CNBD1: variants seen among roughly 807,000 people sequenced by gnomAD.
The protein encoded by CNBD1 is cyclic nucleotide-binding domain-containing protein 1.
CNBD1 carries 71 observed loss-of-function variants against 54.4 expected under a neutral mutation model. The observed-to-expected ratio is 1.30, with a 90% CI of 1.08 to 1.59. The LOEUF (loss-of-function observed/expected upper bound fraction) is 1.59. Ranked by LOEUF, CNBD1 falls within the 40% of genes most tolerant of loss-of-function variation. CNBD1 has a pLI of 0.00. For missense variants in CNBD1, 659 were observed against 518.0 expected (o/e 1.27, Z -2.64); for synonymous variants, 182 against 170.7 (o/e 1.07, Z -0.51).
At chr8:86,866,679 A>AGG (rs919706559) in intron 1 of CNBD1, 96 bp downstream of exon 1, 15 of 856,376 alleles carry the variant, frequency 1.8e-5, no homozygotes, top group Non-Finnish European at 2.9e-5. Context: ...CAGGGTTGAT[A>AGG]GGGACATTGG....
At chr8:87,336,063 C>A (rs993808973) in intron 8 of CNBD1, among the ~76,000 whole-genome samples, 6 of 152,134 alleles carry the variant, frequency 3.9e-5, no homozygotes, top group Admixed American at 2.6e-4. Flanking sequence ...GCTGAGAGAT[C>A]CACTATCAGT....
intron 1 of CNBD1, among the ~76,000 whole-genome samples, chr8:86,873,179 G>A (rs779769573): frequency 8.6e-5 from 13 of 150,358 alleles, no homozygotes; most frequent in East Asian, 2.0e-4. Flanking sequence ...TTGGTTCACC[G>A]TAACTTCTGC....
intron 4 of CNBD1, among the ~76,000 whole-genome samples, chr8:87,035,339 T>C (rs1012410987): frequency 1.3e-5 from 2 of 152,186 alleles, no homozygotes; most frequent in African/African-American, 4.8e-5. Flanking sequence ...TCTCATTGGA[T>C]ACAATGTTCA....
chr8:86,992,121 A>C (rs572351933), intron 4 of CNBD1, among the ~76,000 whole-genome samples: 1 of 152,124 alleles, frequency 6.6e-6, no homozygotes, highest in African/African-American at 2.4e-5. Flanking sequence ...GAAGTCTCCC[A>C]CTATTATTGT....
At chr8:87,149,865 T>A (rs542842365) in intron 4 of CNBD1, among the ~76,000 whole-genome samples, 3 of 152,070 alleles carry the variant, frequency 2.0e-5, no homozygotes, top group African/African-American at 7.2e-5. Flanking sequence ...AAATAGAAGA[T>A]AATTAATAAG....
At chr8:87,217,326 C>A (rs1252512847) in intron 5 of CNBD1, among the ~76,000 whole-genome samples, 2 of 151,922 alleles carry the variant, frequency 1.3e-5, no homozygotes, top group Non-Finnish European at 2.9e-5. Flanking sequence ...TGAATCAAAT[C>A]GTCACTCAGT....
In CNBD1 at chr8:87,170,488, T is replaced by C. The variant is rs905968004; in HGVS notation, c.432-35505T>C. ...ACAGTGGTGAAAGTGGGGATTCTTG[T>C]TATGTTCCCAATCTTGGAGGAAAGG... On this transcript the variant is annotated intron_variant, in intron 4 of 10. Transcript: ENST00000518476. Among the ~76,000 whole-genome samples the C allele has an allele frequency of 1.2e-4, 18 of 152,288 alleles. 1 individual carries two copies. The highest frequency in any genetic ancestry group is 4.3e-4 in the African/African-American group (18 of 41,582).
chr8:86,965,497 T>A (rs1253189571), intron 4 of CNBD1, among the ~76,000 whole-genome samples: 1 of 152,152 alleles, frequency 6.6e-6, no homozygotes. Context: ...CCTCCTTAAG[T>A]CTGGCAACCA....
At chr8:87,362,464 G>A (rs1810541914) in intron 10 of CNBD1, among the ~76,000 whole-genome samples, 1 of 151,986 alleles carries the variant, frequency 6.6e-6, no homozygotes, top group Non-Finnish European at 1.5e-5. Flanking sequence ...ATTTAGCAAG[G>A]GAGTTTAGAA....
At chr8:87,039,047 A>G (rs2130606322) in intron 4 of CNBD1, among the ~76,000 whole-genome samples, 1 of 152,160 alleles carries the variant, frequency 6.6e-6, no homozygotes, top group South Asian at 2.1e-4. Flanking sequence ...ATTATTATCC[A>G]TCATCTTTTC....
At position 87,194,989 on chromosome 8, in the gene CNBD1, T is replaced by A. The variant is rs1368719767; in HGVS notation, c.432-11004T>A. On this transcript the variant is annotated intron_variant, in intron 4 of 10. Transcript: ENST00000518476. ...ACCTCCGCCTCCTGGGTTCAAGCAA[T>A]TCTCTTGCCTCAGCCTCCCGAGTAG... is the stretch of plus-strand genomic sequence containing the variant. Among the ~76,000 whole-genome samples, 10 of 152,134 alleles carry A rather than the reference T, an allele frequency of 6.6e-5. No homozygotes were observed. In the East Asian group the frequency reaches 9.8e-4, roughly 15 times the overall value.
chr8:87,148,406 C>T (rs1413116147), intron 4 of CNBD1, among the ~76,000 whole-genome samples: 1 of 152,044 alleles, frequency 6.6e-6, no homozygotes, highest in Non-Finnish European at 1.5e-5. Context: ...GGTGATTTAC[C>T]ATGGCAAATC....
chr8:87,032,227 T>C (rs1192222627), intron 4 of CNBD1, among the ~76,000 whole-genome samples: 1 of 152,156 alleles, frequency 6.6e-6, no homozygotes, highest in African/African-American at 2.4e-5. Context: ...CCTTGAACAA[T>C]GTGGGGGGTA....
In CNBD1 at chr8:87,422,013, C is replaced by T. The variant is rs1383763752; in HGVS notation, c.214-6533C>T. ...CTCATTGTGGTTTTGATTTGCATTT[C>T]TCTGATGGCCAGTGATGATGAGCAT... On this transcript the variant is annotated intron_variant, in intron 2 of 7. Coordinates refer to the CNBD1 transcript ENST00000521593. Among the ~76,000 whole-genome samples, 129 of 149,500 alleles carry T rather than the reference C, an allele frequency of 8.6e-4. 1 individual carries two copies. The highest frequency in any genetic ancestry group is 3.1e-3 in the African/African-American group (122 of 39,628).
At chr8:86,869,349 C>T (rs1458258975) in intron 1 of CNBD1, among the ~76,000 whole-genome samples, 2 of 151,922 alleles carry the variant, frequency 1.3e-5, no homozygotes, top group Non-Finnish European at 2.9e-5. Flanking sequence ...ACTCTACTCA[C>T]AACAACAACA....
intron 4 of CNBD1, among the ~76,000 whole-genome samples, chr8:87,142,487 T>G (rs576985479): frequency 9.2e-5 from 14 of 152,138 alleles, no homozygotes; most frequent in Non-Finnish European, 1.9e-4. Context: ...CATTACAATA[T>G]ATAACTAAAC....
At chr8:87,333,513 G>A (rs913795991) in intron 8 of CNBD1, among the ~76,000 whole-genome samples, 1 of 152,108 alleles carries the variant, frequency 6.6e-6, no homozygotes, top group Non-Finnish European at 1.5e-5. Flanking sequence ...CTGTGGGTTT[G>A]TCATAAATAG....
chr8:87,281,518 TC>T (rs1413136033), intron 6 of CNBD1, among the ~76,000 whole-genome samples: 2 of 137,032 alleles, frequency 1.5e-5, no homozygotes, highest in Admixed American at 7.6e-5. Flanking sequence ...TTTGTTTTTT[TC>T]ATCAGAATTC....
intron 2 of CNBD1, among the ~76,000 whole-genome samples, chr8:87,404,086 G>T (rs1807613153): frequency 6.6e-6 from 1 of 152,130 alleles, no homozygotes; most frequent in African/African-American, 2.4e-5. Flanking sequence ...CTGATGAAAG[G>T]CCATATTCAG....
Sources: gnomAD v4.1 joint callset for allele counts (sites outside exome capture counted in the v4.1 genomes callset) on GRCh38, gnomAD v4.1.1 for gene constraint, MANE v1.5 for transcripts, NCBI Gene and HGNC (gene_info 2026-07-23, HGNC 2026-07-21) for gene names.